Variants in PDE4DIP observed in about 807,000 individuals in gnomAD.
PDE4DIP encodes the protein phosphodiesterase 4D interacting protein.
A neutral mutation model predicts 221.4 loss-of-function variants in PDE4DIP; 59 were observed. The observed-to-expected ratio is 0.27, with a 90% CI of 0.22 to 0.33. The LOEUF is 0.33. PDE4DIP is among the 10% of genes least tolerant of loss of function. The probability of loss-of-function intolerance (pLI) is 1.00; values close to 1 mark genes in which losing one functional copy is unlikely to be tolerated. For missense variants in PDE4DIP, 1,036 were observed against 2,154.2 expected, an observed-to-expected ratio of 0.48 and a Z score of 10.28; for synonymous variants, 404 against 815.9, an observed-to-expected ratio of 0.50 and a Z score of 8.60.
At chr1:148,987,385 TTC>T (rs2062095868) in intron 21 of PDE4DIP, among the ~76,000 whole-genome samples, 2 of 152,314 alleles carry the variant, frequency 1.3e-5, no homozygotes, top group South Asian at 4.1e-4. Context: ...TTTTCCTTGA[TTC>T]TCTCCATAAC....
rs2071227561 is a variant in PDE4DIP at position 149,017,884 on chromosome 1, G to A, written c.5650+5G>A. ...CCTCTACTGCTCGTGGAAGGGGTAG[G>A]AGAGGCCCAGACCTTCCTGTTTCTG... On this transcript the variant is annotated splice_donor_5th_base_variant and intron_variant, in intron 34 of 43. Coordinates refer to ENST00000369354, the Ensembl canonical transcript of PDE4DIP. 6.2e-7 allele frequency: 1 copy of A among 1,604,848 alleles called. No homozygotes were observed. Among genetic ancestry groups the A allele is most frequent in the Admixed American group, 1.7e-5 (1 of 59,882 alleles).
intron 23 of PDE4DIP, 24 bp downstream of exon 26, chr1:148,998,399 G>A: frequency 6.8e-7 from 1 of 1,478,360 alleles, no homozygotes; most frequent in Non-Finnish European, 9.4e-7. Context: ...CCCAGGGAAG[G>A]GGAGCTTGCA....
intron 1 of PDE4DIP, among the ~76,000 whole-genome samples, chr1:148,923,599 A>G (rs56145884): frequency 0.062 from 8,967 of 144,142 alleles, 1,957 homozygotes; most frequent in African/African-American, 0.22. Flanking sequence ...TCAGCCTCTC[A>G]AGTAGCTGGG....
At chr1:148,877,022 A>G (rs1385884383) in intron 3 of PDE4DIP, among the ~76,000 whole-genome samples, 2 of 145,882 alleles carry the variant, frequency 1.4e-5, no homozygotes, top group Admixed American at 1.3e-4. Context: ...AAAAAAAACA[A>G]AAAAAAAGAA....
chr1:149,023,318 T>C (rs1208539003), intron 37 of PDE4DIP, among the ~76,000 whole-genome samples: 2 of 152,084 alleles, frequency 1.3e-5, no homozygotes, highest in African/African-American at 4.8e-5. Flanking sequence ...TAGTTATATG[T>C]TTGATAAAGG....
chr1:148,925,144 ATTG>A (rs587660555), intron 1 of PDE4DIP, among the ~76,000 whole-genome samples: 155 of 91,916 alleles, frequency 1.7e-3, no homozygotes, highest in African/African-American at 0.013. Context: ...GATTGGTATC[ATTG>A]TTATCTCCTT....
At chr1:148,982,893 T>C (rs2061340949) in intron 21 of PDE4DIP, 1 of 152,112 alleles carries the variant, frequency 6.6e-6, no homozygotes, top group Admixed American at 6.6e-5. Context: ...TAGCTGTGTC[T>C]ATAACAGATA....
chr1:149,023,649 T>C (rs2073926303), intron 37 of PDE4DIP, among the ~76,000 whole-genome samples: 1 of 134,426 alleles, frequency 7.4e-6, no homozygotes, highest in Non-Finnish European at 1.6e-5. Context: ...CACATATATA[T>C]GTACATGTAT....
intron 27 of PDE4DIP, chr1:149,006,584 T>G (rs2067112337): frequency 6.6e-6 from 1 of 151,926 alleles, no homozygotes; most frequent in African/African-American, 2.4e-5. Flanking sequence ...CTGCTGTGAA[T>G]CTATGTGATA....
chr1:148,982,589 A>T (rs1228249490), intron 21 of PDE4DIP: 1 of 152,202 alleles, frequency 6.6e-6, no homozygotes, highest in Non-Finnish European at 1.5e-5. Flanking sequence ...AAGTGTGAAA[A>T]GTAACCAAGA....
chr1:148,946,633 C>A (rs1325961641), intron 5 of PDE4DIP, among the ~76,000 whole-genome samples: 1 of 136,964 alleles, frequency 7.3e-6, no homozygotes, highest in East Asian at 2.0e-4. Context: ...CTGCTTAAAT[C>A]CATAACATTA....
chr1:149,010,626 A>G (rs781842294), intron 31 of PDE4DIP, 31 bp downstream of exon 34: 22 of 1,609,560 alleles, frequency 1.4e-5, no homozygotes, highest in Non-Finnish European at 1.9e-5. Flanking sequence ...CAGAAGCTTC[A>G]TCTCCTCTTT....
chr1:148,907,024 G>C (rs1476876393), intron 1 of PDE4DIP, among the ~76,000 whole-genome samples: 1 of 151,436 alleles, frequency 6.6e-6, no homozygotes, highest in Non-Finnish European at 1.5e-5. Context: ...ACTCCAGCCT[G>C]GACTACAAGA....
At chr1:148,864,915 A>C (rs1446116466) in intron 2 of PDE4DIP, among the ~76,000 whole-genome samples, 1 of 131,420 alleles carries the variant, frequency 7.6e-6, no homozygotes, top group Non-Finnish European at 1.6e-5. Flanking sequence ...CTAAATTCCC[A>C]CAATTAGCAA....
At chr1:148,935,167 T>C (rs1553474060) in intron 4 of PDE4DIP, among the ~76,000 whole-genome samples, 2 of 151,812 alleles carry the variant, frequency 1.3e-5, no homozygotes, top group East Asian at 2.0e-4. Context: ...TGAGCCAAGA[T>C]TGCGCCACTG....
At chr1:149,012,992 C>T (rs587625395) in intron 32 of PDE4DIP, among the ~76,000 whole-genome samples, 1 of 151,764 alleles carries the variant, frequency 6.6e-6, no homozygotes, top group African/African-American at 2.4e-5. Flanking sequence ...GATATGTTCA[C>T]GAGGCTCTAG....
rs782072281 is a variant in PDE4DIP at position 148,953,165 on chromosome 1, C to A, written c.637-7489C>A. The A allele has an allele frequency of 2.5e-6, 4 of 1,614,008 alleles. No individual in the cohort carries two copies. In the African/African-American group the frequency reaches 5.3e-5, roughly 22 times the overall value. On this transcript the variant is annotated intron_variant, in intron 5 of 43. Coordinates refer to ENST00000369354, the Ensembl canonical transcript of PDE4DIP. Reference sequence around the variant, plus strand: ...ACCCGATGCGAGATACTCTGCACTGCTCCAGGAGGACTTCGCCTATTCAGG... The same window carrying A: ...ACCCGATGCGAGATACTCTGCACTGATCCAGGAGGACTTCGCCTATTCAGG...
chr1:148,979,832 C>T (rs782618371), exon 20 of PDE4DIP: 13 of 1,613,010 alleles, frequency 8.1e-6, no homozygotes, highest in African/African-American at 2.7e-5. Context: ...TGGTGAAGTT[C>T]CATGCCCATC....
At chr1:149,004,185 G>A (rs1368122509) in intron 26 of PDE4DIP, among the ~76,000 whole-genome samples, 1 of 151,364 alleles carries the variant, frequency 6.6e-6, no homozygotes, top group Non-Finnish European at 1.5e-5. Context: ...TCAAATCCCA[G>A]TTTGAAAACT....
Sources: allele counts gnomAD v4.1 joint callset (sites outside exome capture counted in the v4.1 genomes callset), GRCh38; gene constraint gnomAD v4.1.1; transcripts MANE v1.5; gene names NCBI Gene and HGNC (gene_info 2026-07-23, HGNC 2026-07-21).